The following CDHR2 variants were observed in gnomAD, a reference collection of about 807,000 sequenced individuals.
The protein encoded by CDHR2 is cadherin-related family member 2.
In CDHR2, 104 loss-of-function variants were observed where a neutral mutation model predicts 138.6. The observed-to-expected ratio is 0.75, with a 90% CI of 0.64 to 0.88. CDHR2 has a LOEUF of 0.88. CDHR2 is among the 40% of genes least tolerant of loss of function. The pLI, the probability that CDHR2 is intolerant of heterozygous loss-of-function variation, is 0.00. For synonymous variants in CDHR2, 755 were observed against 742.8 expected (o/e 1.02, Z -0.27); for missense variants, 1,624 against 1,727.6 (o/e 0.94, Z 1.06).
Position 176,590,064 on chromosome 5 carries a change from T to C in CDHR2, c.3207-14T>C, listed in dbSNP as rs184341344. On this transcript the variant is annotated splice_polypyrimidine_tract_variant and intron_variant, in intron 24 of 31. Transcript: ENST00000261944. ...TAAGACCCCAGGCCTCTGTGACATCTGCCTTCTTTGCAGGGCTCTTACCCA... is the reference window on the plus strand; with the variant it reads ...TAAGACCCCAGGCCTCTGTGACATCCGCCTTCTTTGCAGGGCTCTTACCCA... The C allele has an allele frequency of 6.8e-5, 109 of 1,611,096 alleles. 1 individual carries two copies. In the Admixed American group the frequency reaches 1.2e-3, roughly 18 times the overall value.
At chr5:176,588,594 TGA>T (rs1447325510) in intron 21 of CDHR2, among the ~76,000 whole-genome samples, 5 of 130,456 alleles carry the variant, frequency 3.8e-5, no homozygotes, top group African/African-American at 1.5e-4. Flanking sequence ...AGGGTGTGTA[TGA>T]GTGTGTGTGC....
chr5:176,561,977 C>A (rs1234848199), intron 1 of CDHR2, among the ~76,000 whole-genome samples: 1 of 152,016 alleles, frequency 6.6e-6, no homozygotes, highest in Non-Finnish European at 1.5e-5. Context: ...AGTGCATCAG[C>A]CAGCAAGGCG....
intron 1 of CDHR2, among the ~76,000 whole-genome samples, chr5:176,563,724 T>C (rs553610877): frequency 2.0e-5 from 3 of 152,314 alleles, no homozygotes; most frequent in African/African-American, 7.2e-5. Flanking sequence ...CATCCCGCCA[T>C]GGCTGGAAAC....
chr5:176,583,402 T>C (rs2113313967), intron 17 of CDHR2, among the ~76,000 whole-genome samples: 1 of 152,344 alleles, frequency 6.6e-6, no homozygotes, highest in East Asian at 1.9e-4. Context: ...GACATCTAGC[T>C]AAGGTGCAAG....
intron 19 of CDHR2, among the ~76,000 whole-genome samples, 182 bp from the exon 20 acceptor site, chr5:176,585,772 G>A (rs566365010): frequency 6.6e-5 from 10 of 152,132 alleles, no homozygotes; most frequent in East Asian, 5.8e-4. Context: ...GAGAAGCTGC[G>A]GGGCATGGGG....
At chr5:176,588,416 TGTGA>T (rs750082733) in intron 21 of CDHR2, among the ~76,000 whole-genome samples, 629 of 54,502 alleles carry the variant, frequency 0.012, 2 homozygotes, top group Non-Finnish European at 0.021. Context: ...AGAGTGAGGG[TGTGA>T]GTGTGTGTGT....
chr5:176,573,103 A>C (rs538901932), intron 6 of CDHR2, among the ~76,000 whole-genome samples: 136 of 152,190 alleles, frequency 8.9e-4, no homozygotes, highest in African/African-American at 3.2e-3. Flanking sequence ...ATGCTCCAGG[A>C]AGGGGTGCTC....
chr5:176,570,167 T>C (rs1412966591), intron 5 of CDHR2, among the ~76,000 whole-genome samples: 4 of 152,202 alleles, frequency 2.6e-5, no homozygotes, highest in Non-Finnish European at 5.9e-5. Context: ...CACTCAGCGA[T>C]TGAGCTTAGA....
At chr5:176,546,391 A>G (rs1458541790), upstream of CDHR2, among the ~76,000 whole-genome samples, 1 of 152,148 alleles carries the variant, frequency 6.6e-6, no homozygotes, top group African/African-American at 2.4e-5. Context: ...AGTCACCACC[A>G]TGCCCCCACG....
chr5:176,576,869 G>A lies in CDHR2; in HGVS notation c.1195-530G>A, dbSNP rs931474083. Among the ~76,000 whole-genome samples, 18 of 152,182 alleles carry A rather than the reference G, an allele frequency of 1.2e-4. No individual in the cohort carries two copies. The highest frequency in any genetic ancestry group is 3.9e-4 in the East Asian group (2 of 5,194). ...TGGGATTGCAGGCGTGAGCCACCGC[G>A]CCCAGCCATGGGAGGCACTCTTAAG... is the stretch of plus-strand genomic sequence containing the variant. On this transcript the variant is annotated intron_variant, in intron 12 of 31. Coordinates refer to ENST00000261944, the MANE Select transcript of CDHR2 (RefSeq NM_017675.6). This position sits in a 1 kb window ranked among gnomAD's most constrained non-coding sequence, Gnocchi z 4.5.
intron 1 of CDHR2, among the ~76,000 whole-genome samples, chr5:176,561,312 C>T (rs1475598908): frequency 1.3e-5 from 2 of 152,160 alleles, no homozygotes; most frequent in African/African-American, 4.8e-5. Context: ...TTACACTCTG[C>T]TCTATCTCAT....
intron 21 of CDHR2, among the ~76,000 whole-genome samples, chr5:176,588,372 T>A (rs558836376): frequency 2.3e-3 from 327 of 140,862 alleles, no homozygotes; most frequent in African/African-American, 8.1e-3. Context: ...TTTGTGTGAG[T>A]GTGTGTGAAT....
intron 14 of CDHR2, 33 bp from the exon 15 acceptor site, chr5:176,578,001 C>T: frequency 1.3e-6 from 2 of 1,592,620 alleles, no homozygotes; most frequent in Non-Finnish European, 1.7e-6. Flanking sequence ...GCATCGCCTC[C>T]ACACAGCACC....
chr5:176,551,962 G>A (rs906000986), intron 1 of CDHR2, among the ~76,000 whole-genome samples: 5 of 151,734 alleles, frequency 3.3e-5, no homozygotes, highest in Admixed American at 6.6e-5. Context: ...CCCCGTAATC[G>A]GCCCGCCAAA....
chr5:176,584,066 G>A, intron 17 of CDHR2, 124 bp from the exon 18 acceptor site: 1 of 786,578 alleles, frequency 1.3e-6, no homozygotes, highest in Admixed American at 2.1e-5. Context: ...CTGGGAAGTG[G>A]GCAGTGAGGT....
chr5:176,543,932 T>G lies in CDHR2; in HGVS notation c.-16+1163T>G, dbSNP rs1209786527. Among the ~76,000 whole-genome samples, 1 of 152,292 alleles carries G rather than the reference T, an allele frequency of 6.6e-6. No homozygotes were observed. Among genetic ancestry groups the G allele is most frequent in the Non-Finnish European group, 1.5e-5 (1 of 68,018 alleles). On this transcript the variant is annotated intron_variant, in intron 1 of 31. Transcript: ENST00000510636. The surrounding 1 kb of genome is among the most constrained non-coding windows in gnomAD (Gnocchi z 4.0). ...TGTGTCCCCATCGCTAGAGCCAACCTGGACCAGGGCATGGCCGGCACCAGC... is the reference window on the plus strand; with the variant it reads ...TGTGTCCCCATCGCTAGAGCCAACCGGGACCAGGGCATGGCCGGCACCAGC...
chr5:176,588,298 AG>A (rs1561880566), intron 21 of CDHR2, among the ~76,000 whole-genome samples: 1 of 148,640 alleles, frequency 6.7e-6, no homozygotes. Context: ...GTGGGTATGT[AG>A]GTGATTGTGG....
chr5:176,544,546 T>C (rs555366252), upstream of CDHR2, among the ~76,000 whole-genome samples: 1 of 152,142 alleles, frequency 6.6e-6, no homozygotes, highest in Admixed American at 6.5e-5. Flanking sequence ...TTCAAGCGAT[T>C]CTCCTGCCTC....
intron 1 of CDHR2, among the ~76,000 whole-genome samples, chr5:176,559,367 T>C (rs549368736): frequency 1.5e-4 from 23 of 152,198 alleles, no homozygotes; most frequent in Admixed American, 1.4e-3. Flanking sequence ...TGATTCTGGG[T>C]CCTTTGTATG....
Sources: gnomAD v4.1 joint callset for allele counts (sites outside exome capture counted in the v4.1 genomes callset) on GRCh38, gnomAD v4.1.1 for gene constraint, Gnocchi (gnomAD v3.1) non-coding constraint, MANE v1.5 for transcripts, NCBI Gene and HGNC (gene_info 2026-07-23, HGNC 2026-07-21) for gene names.